TBC1D22B: variants seen among roughly 807,000 people sequenced by gnomAD.
TBC1D22B encodes chromosome 6 open reading frame 197.
TBC1D22B carries 32 observed loss-of-function variants against 69.1 expected under a neutral mutation model. The ratio of observed to expected loss-of-function variants is 0.46; its 90% CI spans 0.35 to 0.62. TBC1D22B has a LOEUF of 0.62. Among genes scored for constraint, TBC1D22B ranks in the 20% least tolerant of loss-of-function variants. TBC1D22B has a pLI of 0.00. For missense variants in TBC1D22B, 462 were observed against 630.9 expected (o/e 0.73, Z 2.87); for synonymous variants, 206 against 229.8 (o/e 0.90, Z 0.94).
At position 37,291,249 on chromosome 6, in the gene TBC1D22B, G is replaced by A. The variant is rs1209132258; in HGVS notation, c.874G>A (p.Glu292Lys). The stretch of plus-strand genomic sequence containing the variant: ...TTCTTTCTCATTTTCCTAGATCTTT[G>A]AAAGAATTCTATTTATTTGGGCCAT... ...FQQPLVQEIFERILFIWAIRH... is the reference protein window; with the variant it reads ...FQQPLVQEIFKRILFIWAIRH... Residue 292 changes from glutamate (E) to lysine (K), a missense_variant, in exon 8 of 13, where the codon GAA (glutamate) becomes AAA (lysine). Glu to Lys is a moderately conservative substitution (Grantham distance 56). Around this residue, in one of 2 missense-constraint regions of TBC1D22B, gnomAD observed 225 missense variants for 375.4 expected, o/e 0.60. Coordinates refer to ENST00000373491, the MANE Select transcript of TBC1D22B (RefSeq NM_017772.4). 2 of 1,611,616 alleles carry A rather than the reference G, an allele frequency of 1.2e-6. No individual in the cohort carries two copies. Among genetic ancestry groups the A allele is most frequent in the African/African-American group, 2.7e-5 (2 of 74,844 alleles).
At chr6:37,282,066 T>C in intron 3 of TBC1D22B, 119 bp from the exon 4 acceptor site, 1 of 1,152,336 alleles carries the variant, frequency 8.7e-7, no homozygotes, top group Non-Finnish European at 1.3e-6. Flanking sequence ...CCTCAGACAG[T>C]GCACACAGGC....
At chr6:37,308,669 T>C (rs563230696) in intron 8 of TBC1D22B, among the ~76,000 whole-genome samples, 104 of 152,346 alleles carry the variant, frequency 6.8e-4, no homozygotes, top group African/African-American at 2.4e-3. Context: ...TACCAACTTA[T>C]GACCTCATGT....
chr6:37,279,622 C>T lies in TBC1D22B; in HGVS notation c.421+11C>T. 6.3e-7 allele frequency: 1 copy of T among 1,596,372 alleles called. No homozygotes were observed. Among genetic ancestry groups the T allele is most frequent in the Non-Finnish European group, 8.5e-7 (1 of 1,170,884 alleles). On this transcript the variant is annotated intron_variant, in intron 3 of 12. Coordinates refer to ENST00000373491, the MANE Select transcript of TBC1D22B (RefSeq NM_017772.4). ...TGTCCAGAAACTCTAGTAAGTCCTT[C>T]CTGCTCCCTTCATAGCCTCAGCCTT...
chr6:37,266,930 C>CTT lies in TBC1D22B; in HGVS notation c.57-2641_57-2640dup, dbSNP rs35702920. Among the ~76,000 whole-genome samples the CTT allele has an allele frequency of 6.0e-3, 329 of 54,680 alleles. 2 individuals carry two copies. Among genetic ancestry groups the CTT allele is most frequent in the African/African-American group, 8.0e-3 (106 of 13,302 alleles). The allele number at this position is 54,680 out of a possible 152,430, so 35.9% of individuals were successfully genotyped here. A position where few individuals can be genotyped will look rare whatever the true frequency, so the allele number is the denominator to read the frequency against. On this transcript the variant is annotated intron_variant, in intron 1 of 12. Coordinates refer to ENST00000373491, the MANE Select transcript of TBC1D22B (RefSeq NM_017772.4). ...GTTCAATTTTTAATATTTTCTTCGT[C>CTT]TTTTTTTTTTTTTTTTTTTTTTTTG...
At chr6:37,283,184 T>C (rs1766893290) in intron 5 of TBC1D22B, among the ~76,000 whole-genome samples, 1 of 152,266 alleles carries the variant, frequency 6.6e-6, no homozygotes, top group South Asian at 2.1e-4. Flanking sequence ...TGGTGTCATG[T>C]TCTTAACAGC....
chr6:37,283,116 C>T (rs561389055), intron 5 of TBC1D22B, among the ~76,000 whole-genome samples, 164 bp downstream of exon 5: 2 of 152,340 alleles, frequency 1.3e-5, no homozygotes, highest in South Asian at 2.1e-4. Context: ...TAAAGAAATA[C>T]ATTCTTGAGA....
At chr6:37,326,513 G>A (rs1768408705) in intron 12 of TBC1D22B, among the ~76,000 whole-genome samples, 1 of 152,120 alleles carries the variant, frequency 6.6e-6, no homozygotes, top group African/African-American at 2.4e-5. Context: ...CTTAGGCTGG[G>A]CACAGTGGCT....
chr6:37,311,255 T>G (rs1391301069), intron 8 of TBC1D22B, among the ~76,000 whole-genome samples: 26 of 142,462 alleles, frequency 1.8e-4, no homozygotes, highest in Non-Finnish European at 3.4e-4. Flanking sequence ...TCAAGAGGGG[T>G]TTTTTTTTTT....
chr6:37,307,167 G>A (rs1767747153), intron 8 of TBC1D22B, among the ~76,000 whole-genome samples: 3 of 152,142 alleles, frequency 2.0e-5, no homozygotes, highest in Admixed American at 6.5e-5. Flanking sequence ...TATATATAGC[G>A]CTTGAACCAG....
intron 10 of TBC1D22B, among the ~76,000 whole-genome samples, chr6:37,315,383 C>T (rs1425184406): frequency 2.0e-5 from 3 of 151,782 alleles, no homozygotes; most frequent in Non-Finnish European, 2.9e-5. Flanking sequence ...ATGGTGAGAC[C>T]CCATCTCTAC....
intron 8 of TBC1D22B, among the ~76,000 whole-genome samples, chr6:37,298,363 G>T (rs1287735688): frequency 6.6e-6 from 1 of 151,932 alleles, no homozygotes; most frequent in Non-Finnish European, 1.5e-5. Flanking sequence ...ATGAAATCAA[G>T]CTATTCATAC....
intron 1 of TBC1D22B, among the ~76,000 whole-genome samples, chr6:37,263,172 A>C (rs1440872479): frequency 6.6e-6 from 1 of 152,246 alleles, no homozygotes; most frequent in Non-Finnish European, 1.5e-5. Context: ...CAAGGGGGCT[A>C]CAGAAAAAGA....
intron 1 of TBC1D22B, among the ~76,000 whole-genome samples, chr6:37,262,515 T>G (rs1766141033): frequency 6.6e-6 from 1 of 152,156 alleles, no homozygotes; most frequent in Non-Finnish European, 1.5e-5. Context: ...TCCAGGCCCT[T>G]CGTTGTTAGA....
chr6:37,312,688 G>T (rs1452890039), intron 8 of TBC1D22B, among the ~76,000 whole-genome samples: 2 of 152,218 alleles, frequency 1.3e-5, no homozygotes, highest in African/African-American at 4.8e-5. Flanking sequence ...ACTAGCATGA[G>T]AAATGGCCTG....
intron 12 of TBC1D22B, among the ~76,000 whole-genome samples, chr6:37,323,900 TGA>T (rs1768322200): frequency 6.6e-6 from 1 of 152,182 alleles, no homozygotes; most frequent in Non-Finnish European, 1.5e-5. Flanking sequence ...AACAAGCCAC[TGA>T]GGGGAACTCT....
chr6:37,330,728 AAG>A (rs1768559205), intron 12 of TBC1D22B, among the ~76,000 whole-genome samples: 1 of 152,254 alleles, frequency 6.6e-6, no homozygotes, highest in Non-Finnish European at 1.5e-5. Context: ...CTTTAAGATT[AAG>A]AGAGGTATAT....
At chr6:37,305,552 C>T (rs1360540077) in intron 8 of TBC1D22B, among the ~76,000 whole-genome samples, 5 of 147,542 alleles carry the variant, frequency 3.4e-5, no homozygotes, top group African/African-American at 1.3e-4. Context: ...GAGTGTTGCT[C>T]TGTCCCCCAG....
rs770549885 is a variant in TBC1D22B at position 37,282,376 on chromosome 6, T to A, written c.601+12T>A. On this transcript the variant is annotated intron_variant, in intron 4 of 12. Transcript: ENST00000373491. Reference sequence around the variant, plus strand: ...GAACACTGACTTAGGTGAGTCCCTGTGAGCCCAGGCAAGGTAGGAGCTTTG... The same window carrying A: ...GAACACTGACTTAGGTGAGTCCCTGAGAGCCCAGGCAAGGTAGGAGCTTTG... 2.5e-6 allele frequency: 4 copies of A among 1,580,602 alleles called. No homozygotes were observed. The highest frequency in any genetic ancestry group is 3.4e-6 in the Non-Finnish European group (4 of 1,161,878).
At chr6:37,293,001 G>A (rs1422313937) in intron 8 of TBC1D22B, among the ~76,000 whole-genome samples, 1 of 151,938 alleles carries the variant, frequency 6.6e-6, no homozygotes, top group African/African-American at 2.4e-5. Context: ...TTTCAAAAGC[G>A]TGTGTTCACT....
Sources: gnomAD v4.1 joint callset for allele counts (sites outside exome capture counted in the v4.1 genomes callset) on GRCh38, gnomAD v4.1.1 for gene constraint, gnomAD v4.1.1 regional missense constraint, MANE v1.5 for transcripts, NCBI Gene and HGNC (gene_info 2026-07-23, HGNC 2026-07-21) for gene names.